The following LRBA variants were observed in gnomAD, a reference collection of about 807,000 sequenced individuals.
LRBA encodes lipopolysaccharide-responsive and beige-like anchor protein.
A neutral mutation model predicts 330.0 loss-of-function variants in LRBA; 176 were observed. That is an observed-to-expected ratio of 0.53 (90% CI 0.47 to 0.60). LRBA has a LOEUF of 0.60. Among genes scored for constraint, LRBA ranks in the 20% least tolerant of loss-of-function variants. LRBA has a pLI of 0.00. For missense variants in LRBA, 3,259 were observed against 3,444.8 expected (o/e 0.95, Z 1.35); for synonymous variants, 1,230 against 1,193.0 (o/e 1.03, Z -0.64).
intron 37 of LRBA, among the ~76,000 whole-genome samples, chr4:150,647,116 T>C (rs1779215766): frequency 6.6e-6 from 1 of 151,964 alleles, no homozygotes; most frequent in Admixed American, 6.6e-5. Context: ...GTGCTCCTGT[T>C]CATATTTTTC....
chr4:150,271,770 C>A (rs1244165104), intron 56 of LRBA, among the ~76,000 whole-genome samples: 1 of 152,194 alleles, frequency 6.6e-6, no homozygotes, highest in Admixed American at 6.5e-5. Flanking sequence ...GAGCTCACTG[C>A]AGCTCAGCAA....
intron 47 of LRBA, among the ~76,000 whole-genome samples, chr4:150,406,329 A>AT (rs1445193108): frequency 6.6e-6 from 1 of 152,126 alleles, no homozygotes; most frequent in African/African-American, 2.4e-5. Flanking sequence ...ATTGGATGCT[A>AT]TCTGGATTGT....
chr4:150,944,387 C>T (rs961370082), intron 2 of LRBA, among the ~76,000 whole-genome samples: 1 of 152,100 alleles, frequency 6.6e-6, no homozygotes, highest in Non-Finnish European at 1.5e-5. Context: ...TTTACATAAG[C>T]ACTTTACATG....
chr4:150,482,090 A>G (rs1476056287), intron 42 of LRBA, among the ~76,000 whole-genome samples: 3 of 152,118 alleles, frequency 2.0e-5, no homozygotes, highest in South Asian at 4.1e-4. Context: ...GGTGTACAAT[A>G]TAATGAGTTT....
chr4:150,765,152 G>A (rs932972347), intron 34 of LRBA, among the ~76,000 whole-genome samples: 1 of 151,450 alleles, frequency 6.6e-6, no homozygotes, highest in African/African-American at 2.4e-5. Context: ...ATTACTAAGA[G>A]AAAGAAACTA....
intron 47 of LRBA, among the ~76,000 whole-genome samples, chr4:150,365,934 G>A (rs1739409012): frequency 1.3e-5 from 2 of 151,738 alleles, no homozygotes; most frequent in African/African-American, 4.8e-5. Context: ...ACATTTTCAT[G>A]TAACTACCCG....
At chr4:150,557,664 A>C (rs1561347425) in intron 40 of LRBA, among the ~76,000 whole-genome samples, 2 of 152,058 alleles carry the variant, frequency 1.3e-5, no homozygotes, top group Admixed American at 1.3e-4. Flanking sequence ...ATTCCCCTCA[A>C]TTTGGATTTG....
chr4:150,844,536 C>T (rs1217273542), intron 27 of LRBA, 122 bp downstream of exon 27: 1 of 802,184 alleles, frequency 1.2e-6, no homozygotes, highest in Non-Finnish European at 1.9e-6. Context: ...TATATGCAGG[C>T]CTAAAGTAAC....
intron 33 of LRBA, among the ~76,000 whole-genome samples, chr4:150,805,039 T>C (rs1742357673): frequency 6.6e-6 from 1 of 152,106 alleles, no homozygotes; most frequent in Non-Finnish European, 1.5e-5. Context: ...ACTCATTATT[T>C]AAGAAATTAT....
In LRBA at chr4:150,612,084, G is replaced by A. The variant is rs1445709890; in HGVS notation, c.5922-12953C>T. Among the ~76,000 whole-genome samples the A allele has an allele frequency of 8.5e-5, 13 of 152,088 alleles. No individual in the cohort carries two copies. In the East Asian group the frequency reaches 2.3e-3, roughly 27 times the overall value. On this transcript the variant is annotated intron_variant, in intron 37 of 56. Coordinates refer to ENST00000651943, the MANE Select transcript of LRBA (RefSeq NM_001364905.1). Reference sequence around the variant, plus strand: ...TGCCAGGGGAATTTTTGCATTTTTTGTAGAGATGGGGTTTCGCCCCTTTGC... The same window carrying A: ...TGCCAGGGGAATTTTTGCATTTTTTATAGAGATGGGGTTTCGCCCCTTTGC...
chr4:150,937,969 T>C (rs969255188), intron 2 of LRBA, among the ~76,000 whole-genome samples: 1 of 151,778 alleles, frequency 6.6e-6, no homozygotes, highest in Non-Finnish European at 1.5e-5. Context: ...ACTGTGTGAC[T>C]CACAGAAAAT....
At chr4:150,848,717 A>G (rs985038509) in intron 26 of LRBA, 101 bp downstream of exon 26, 31 of 907,862 alleles carry the variant, frequency 3.4e-5, no homozygotes, top group Admixed American at 7.2e-5. Context: ...ATTAGCTAAC[A>G]TATATTTTCT....
At chr4:150,612,065 G>T (rs1050356064) in intron 37 of LRBA, among the ~76,000 whole-genome samples, 11 of 152,178 alleles carry the variant, frequency 7.2e-5, no homozygotes, top group African/African-American at 2.7e-4. Flanking sequence ...ACCATGCCAG[G>T]GGAATTTTTG....
At chr4:150,865,890 A>G (rs1752617819) in intron 22 of LRBA, among the ~76,000 whole-genome samples, 1 of 151,948 alleles carries the variant, frequency 6.6e-6, no homozygotes, top group African/African-American at 2.4e-5. Flanking sequence ...TAATGTTTGT[A>G]TTTTTAGTAG....
intron 37 of LRBA, among the ~76,000 whole-genome samples, chr4:150,604,296 T>C (rs2126538865): frequency 6.6e-6 from 1 of 151,878 alleles, no homozygotes; most frequent in South Asian, 2.1e-4. Flanking sequence ...TCTAGCTTCT[T>C]GGGAGGCTAA....
Position 150,828,584 on chromosome 4 carries a change from T to G in LRBA, c.4767A>C (p.Ala1589=), listed in dbSNP as rs1746634061. The G allele has an allele frequency of 5.0e-6, 8 of 1,614,070 alleles. No homozygotes were observed. The highest frequency in any genetic ancestry group is 5.1e-6 in the Non-Finnish European group (6 of 1,179,988). Residue 1589 remains alanine, a synonymous_variant, in exon 30 of 57, where the codon GCA becomes GCC. Coordinates refer to ENST00000651943, the MANE Select transcript of LRBA (RefSeq NM_001364905.1). ...ATGTGCTTTCAGATTCTTCCACTGA[T>G]GCCGTAGTTAAAGTGCTGAATGCTG... is the stretch of plus-strand genomic sequence containing the variant. The part of the protein sequence containing the change: ...TPAAFSTLTT[A]SVEESESTSS...
intron 40 of LRBA, among the ~76,000 whole-genome samples, chr4:150,523,183 A>C (rs1763107789): frequency 6.6e-6 from 1 of 152,190 alleles, no homozygotes; most frequent in Non-Finnish European, 1.5e-5. Flanking sequence ...TGTGTTTTGC[A>C]TGTGAGGTTG....
At chr4:150,431,620 G>A (rs984312123) in intron 46 of LRBA, among the ~76,000 whole-genome samples, 4 of 151,930 alleles carry the variant, frequency 2.6e-5, no homozygotes, top group South Asian at 4.2e-4. Context: ...TAATATTTTG[G>A]ATATATACGG....
rs143817945 is a variant in LRBA, at chr4:150,849,494, A to C, written c.4086T>G (p.Ser1362=). The change falls in exon 25 of 57, where the codon TCT becomes TCG. Residue 1362 remains serine, a synonymous_variant. Transcript: ENST00000651943. The part of the protein sequence containing the change: ...IFVHNTIHLI[S]QVMDNMVMAC... ...CCATGACCATATTGTCCATCACTTGAGAGATGAGATGAATTGTGTTGTGTA... is the reference window on the plus strand; with the variant it reads ...CCATGACCATATTGTCCATCACTTGCGAGATGAGATGAATTGTGTTGTGTA... 7 of 1,613,094 alleles carry C rather than the reference A, an allele frequency of 4.3e-6. No individual in the cohort carries two copies. In the African/African-American group the frequency reaches 8.0e-5, roughly 18 times the overall value.
Sources: allele counts gnomAD v4.1 joint callset (sites outside exome capture counted in the v4.1 genomes callset), GRCh38; gene constraint gnomAD v4.1.1; transcripts MANE v1.5; gene names NCBI Gene and HGNC (gene_info 2026-07-23, HGNC 2026-07-21).